Variants in EPPK1 observed in about 807,000 individuals in gnomAD.
The protein encoded by EPPK1 is epiplakin 1, also known as epiplakin.
For missense variants in EPPK1, 3,823 were observed against 3,673.3 expected (o/e 1.04, Z -1.05); for synonymous variants, 1,862 against 1,721.2 (o/e 1.08, Z -2.03).
rs782446058 is a variant in EPPK1 at position 143,867,254 on chromosome 8, C to T, written c.6000G>A (p.Lys2000=). ...CCTCCAGCAGCCTCAGTGCCTCCGC[C>T]TTCTCGATGAGCTGCTTCTGCATGG... ...FQAMQKQLIE[K]AEALRLLEVQ... is the part of the protein sequence containing the mutation. The change falls in exon 2 of 2, where the codon AAG becomes AAA. Residue 2000 remains lysine (K), a synonymous_variant. Coordinates refer to ENST00000615648, the MANE Select transcript of EPPK1 (RefSeq NM_031308.4). 2.5e-6 allele frequency: 4 copies of T among 1,612,622 alleles called. No individual in the cohort carries two copies. The highest frequency in any genetic ancestry group is 1.7e-5 in the Admixed American group (1 of 60,016).
chr8:143,870,011 G>A lies in EPPK1; in HGVS notation c.3243C>T (p.Ser1081=), dbSNP rs782522109. Residue 1081 remains serine (S), a synonymous_variant, in exon 2 of 2, where the codon TCC becomes TCT. Transcript: ENST00000615648. This position sits in a 1 kb window ranked among gnomAD's most constrained non-coding sequence, Gnocchi z 5.2. ...QEMETALSSS[S]ETFPTPDGQG... Reference sequence around the variant, plus strand: ...GGCCGTCCGGTGTGGGGAAGGTTTCGGAGGAGCTGGACAAGGCTGTCTCCA... The same window carrying A: ...GGCCGTCCGGTGTGGGGAAGGTTTCAGAGGAGCTGGACAAGGCTGTCTCCA... The A allele has an allele frequency of 1.7e-5, 27 of 1,609,936 alleles. No individual in the cohort carries two copies. Among genetic ancestry groups the A allele is most frequent in the Admixed American group, 1.7e-4 (10 of 59,652 alleles).
At position 143,869,711 on chromosome 8, in the gene EPPK1, C is replaced by T. The variant is rs1377246422; in HGVS notation, c.3543G>A (p.Arg1181=). Residue 1181 remains arginine (R), a synonymous_variant, in exon 2 of 2, where the codon AGG becomes AGA. Coordinates refer to ENST00000615648, the MANE Select transcript of EPPK1 (RefSeq NM_031308.4). The part of the protein sequence containing the change: ...TVPQLLASVQ[R]WVQETKLLAQ... ...CCAGGAGCTTGGTCTCCTGTACCCA[C>T]CTCTGCACAGAGGCTAGCAGCTGTG... The T allele has an allele frequency of 1.3e-6, 2 of 1,597,402 alleles. No homozygotes were observed. Among genetic ancestry groups the T allele is most frequent in the East Asian group, 2.3e-5 (1 of 43,896 alleles).
At chr8:143,876,727 A>G (rs1819485952) in intron 1 of EPPK1, among the ~76,000 whole-genome samples, 1 of 152,164 alleles carries the variant, frequency 6.6e-6, no homozygotes, top group Non-Finnish European at 1.5e-5. Flanking sequence ...GCAGCCACTC[A>G]CTATGGCATC....
Position 143,866,561 on chromosome 8 carries a change from C to T in EPPK1, c.6693G>A (p.Val2231=). Residue 2231 remains valine, a synonymous_variant, in exon 2 of 2, where the codon GTG becomes GTA. Transcript: ENST00000615648. ...GGCGGCCGGGCTGGTCCTTGGCGGG[C>T]ACCAGGACGCCCGCGATGCAGCTGG... ...EGTSCIAGVL[V]PAKDQPGRQE... 2 of 1,607,146 alleles carry T rather than the reference C, an allele frequency of 1.2e-6. No homozygotes were observed. The highest frequency in any genetic ancestry group is 2.2e-5 in the South Asian group (2 of 90,506).
In EPPK1 at chr8:143,857,924, C is replaced by G. The variant is rs1166137645; in HGVS notation, c.*63G>C. On this transcript the variant is annotated 3_prime_UTR_variant, in exon 2 of 2. Coordinates refer to ENST00000615648, the MANE Select transcript of EPPK1 (RefSeq NM_031308.4). ...AAAAAAAAAAAAAAAAAAAAACAAC[C>G]CAGACACACAAGTATGCCTCCACTT... The G allele has an allele frequency of 2.6e-6, 2 of 766,598 alleles. No individual in the cohort carries two copies. Among genetic ancestry groups the G allele is most frequent in the South Asian group, 2.9e-5 (1 of 34,662 alleles). 47.5% of individuals were successfully genotyped at this position (766,598 alleles called of 1,614,324 possible).
rs560901238 is a variant in EPPK1 at position 143,866,778 on chromosome 8, A to C, written c.6476T>G (p.Leu2159Ter). Residue 2159 changes from leucine to a stop codon, truncating the protein, a stop_gained, in exon 2 of 2, where the codon TTA (leucine) becomes TGA (stop). Transcript: ENST00000615648. LOFTEE classifies it low-confidence loss of function (END_TRUNC). ...GGTTTCCTGCTTCTCGATCAACTCTAAGATGAGCTGCGCTACCGTCTGCAG... is the reference window on the plus strand; with the variant it reads ...GGTTTCCTGCTTCTCGATCAACTCTCAGATGAGCTGCGCTACCGTCTGCAG... Reference protein sequence around the residue: ...RALQTVAQLILELIEKQETSN... With the variant: ...RALQTVAQLI The C allele has an allele frequency of 7.4e-6, 12 of 1,613,508 alleles. No individual in the cohort carries two copies. The highest frequency in any genetic ancestry group is 1.7e-5 in the Admixed American group (1 of 60,036).
Position 143,868,464 on chromosome 8 carries a change from C to T in EPPK1, c.4790G>A (p.Arg1597Gln), listed in dbSNP as rs532952345. Residue 1597 changes from arginine to glutamine, a missense_variant, in exon 2 of 2, where the codon CGG becomes CAG. Transcript: ENST00000615648. The stretch of plus-strand genomic sequence containing the variant: ...CAGCAGCACCAGGGCTGTGCCAGGC[C>T]GCAGGATGTGCCTCCTCAGGGCCTC... ...IPEALRRHIL[R>Q]PGTALVLLEA... is the part of the protein sequence containing the mutation. 35 of 1,612,368 alleles carry T rather than the reference C, an allele frequency of 2.2e-5. No individual in the cohort carries two copies. Among genetic ancestry groups the T allele is most frequent in the South Asian group, 7.7e-5 (7 of 91,054 alleles).
chr8:143,864,832 C>G lies in EPPK1; in HGVS notation c.8422G>C (p.Val2808Leu). Residue 2808 changes from valine to leucine, a missense_variant, in exon 2 of 2, where the codon GTC becomes CTC. Transcript: ENST00000615648. ...CTCAGGTTGCGCACGGGGTCGATGA[C>G]GAAGCCGGTGGCCGCCTGCGCCTCC... The part of the protein sequence containing the change: ...LLEAQAATGF[V>L]IDPVRNLRLS... 2.9e-6 allele frequency: 1 copy of G among 349,520 alleles called. No individual in the cohort carries two copies. Among genetic ancestry groups the G allele is most frequent in the East Asian group, 3.5e-5 (1 of 28,554 alleles). 21.7% of individuals were successfully genotyped at this position (349,520 alleles called of 1,614,324 possible). A position where few individuals can be genotyped will look rare whatever the true frequency, so the allele number is the denominator to read the frequency against.
Position 143,871,779 on chromosome 8 carries a change from C to G in EPPK1, c.1475G>C (p.Ser492Thr), listed in dbSNP as rs1341436173. 5.6e-6 allele frequency: 9 copies of G among 1,611,542 alleles called. No homozygotes were observed. The highest frequency in any genetic ancestry group is 7.6e-6 in the Non-Finnish European group (9 of 1,179,362). ...FIKYSTRQAL[S>T]TATATVSVGK... ...CACAGAGACGGTGGCTGTGGCCGTG[C>G]TCAGGGCCTGCCGAGTGCTGTACTT... Residue 492 changes from serine (S) to threonine (T), a missense_variant, in exon 2 of 2, where the codon AGC becomes ACC. Ser to Thr is a moderately conservative substitution (Grantham distance 58, BLOSUM62 1). Coordinates refer to ENST00000615648, the MANE Select transcript of EPPK1 (RefSeq NM_031308.4).
intron 1 of EPPK1, among the ~76,000 whole-genome samples, chr8:143,874,451 T>C (rs1028379671): frequency 1.3e-5 from 2 of 152,178 alleles, no homozygotes; most frequent in Admixed American, 6.5e-5. Context: ...CTAGTGTCCT[T>C]ATAAGAAGAC....
At position 143,865,367 on chromosome 8, in the gene EPPK1, G is replaced by GGCA. The variant is rs1819081976; in HGVS notation, c.7886_7887insTGC (p.Ala2633dup). On this transcript the variant is annotated inframe_insertion, in exon 2 of 2. Transcript: ENST00000615648. ...GCTCCTGGCGGCGGGCGGCGGCGGC[G>GGCA]GCGGCGGCGGCGGCGGCCTCCTGGG... 2.8e-6 allele frequency: 1 copy of GGCA among 353,110 alleles called. No individual in the cohort carries two copies. The highest frequency in any genetic ancestry group is 4.0e-5 in the South Asian group (1 of 24,862). 21.9% of individuals were successfully genotyped at this position (353,110 alleles called of 1,614,324 possible).
At position 143,877,435 on chromosome 8, in the gene EPPK1, G is replaced by A. The variant is rs891791308; in HGVS notation, c.-46+1003C>T. ...AGGGTGATGGGGTGGGGAGGAGGCC[G>A]AGCAGATTTCCCCGGAGCCTGAGGC... On this transcript the variant is annotated intron_variant, in intron 1 of 1. Transcript: ENST00000615648. Among the ~76,000 whole-genome samples the A allele has an allele frequency of 1.1e-4, 17 of 152,266 alleles. No individual in the cohort carries two copies. The East Asian group carries it at 1.9e-3, about 17-fold the overall frequency.
Position 143,867,003 on chromosome 8 carries a change from G to T in EPPK1, c.6251C>A (p.Pro2084Gln), listed in dbSNP as rs781980733. The T allele has an allele frequency of 3.0e-5, 49 of 1,612,714 alleles. No individual in the cohort carries two copies. The highest frequency in any genetic ancestry group is 1.1e-5 in the South Asian group (1 of 91,082). The part of the protein sequence containing the change: ...PQEDTGWLLF[P>Q]VNKAARDSEH... Reference sequence around the variant, plus strand: ...GGAGTCCCGTGCAGCCTTGTTCACTGGGAACAGCAGCCAGCCCGTGTCCTC... The same window carrying T: ...GGAGTCCCGTGCAGCCTTGTTCACTTGGAACAGCAGCCAGCCCGTGTCCTC... The change falls in exon 2 of 2, where the codon CCA (proline) becomes CAA (glutamine). Residue 2084 changes from proline to glutamine, a missense_variant. Transcript: ENST00000615648.
In EPPK1 at chr8:143,866,933, T is replaced by G; in HGVS notation, c.6321A>C (p.Gln2107His). 1.2e-6 allele frequency: 2 copies of G among 1,612,944 alleles called. No individual in the cohort carries two copies. The highest frequency in any genetic ancestry group is 2.2e-5 in the East Asian group (1 of 44,874). ...DETRRALEAE[Q>H]VEITVGRFRG... The stretch of plus-strand genomic sequence containing the variant: ...TGAACCTTCCCACTGTGATTTCCAC[T>G]TGCTCTGCCTCCAGGGCCCTTCTCG... The change falls in exon 2 of 2, where the codon CAA becomes CAC. Residue 2107 changes from glutamine (Q) to histidine (H), a missense_variant. Transcript: ENST00000615648.
chr8:143,877,162 C>G (rs1403505701), intron 1 of EPPK1, among the ~76,000 whole-genome samples: 1 of 152,228 alleles, frequency 6.6e-6, no homozygotes, highest in Non-Finnish European at 1.5e-5. Flanking sequence ...GCTGGCTGCA[C>G]CACTCCCTAT....
Position 143,867,918 on chromosome 8 carries a change from G to A in EPPK1, c.5336C>T (p.Ser1779Phe), listed in dbSNP as rs368988023. Residue 1779 changes from serine to phenylalanine, a missense_variant, in exon 2 of 2, where the codon TCC (serine) becomes TTC (phenylalanine). Ser to Phe is a radical substitution (Grantham distance 155). Transcript: ENST00000615648. ...CCCCACGCGCATTTTTGCAGTTCTG[G>A]ATTGCAACACGTGTCTCGTGGCCTC... ...INEATRHVLQSRTAKMRVGRF... is the reference protein window; with the variant it reads ...INEATRHVLQFRTAKMRVGRF... 6 of 1,613,468 alleles carry A rather than the reference G, an allele frequency of 3.7e-6. No homozygotes were observed. The African/African-American group carries it at 8.0e-5, about 22-fold the overall frequency.
Position 143,866,687 on chromosome 8 carries a change from T to C in EPPK1, c.6567A>G (p.Ser2189=). ...RQITASELLS[S]AIITEEMLQD... is the part of the protein sequence containing the mutation. ...GGAGCATTTCCTCCGTGATTATGGC[T>C]GAGCTGAGGAGTTCAGAAGCTGTGA... is the stretch of plus-strand genomic sequence containing the variant. The change falls in exon 2 of 2, where the codon TCA becomes TCG. Residue 2189 remains serine (S), a synonymous_variant. Transcript: ENST00000615648. 1 of 1,613,322 alleles carries C rather than the reference T, an allele frequency of 6.2e-7. No individual in the cohort carries two copies. Among genetic ancestry groups the C allele is most frequent in the East Asian group, 2.2e-5 (1 of 44,890 alleles).
At chr8:143,874,274 G>A (rs2130655675) in intron 1 of EPPK1, among the ~76,000 whole-genome samples, 1 of 152,338 alleles carries the variant, frequency 6.6e-6, no homozygotes, top group East Asian at 1.9e-4. Flanking sequence ...CTCCACCCAG[G>A]CCTGTCCCCT....
chr8:143,872,269 C>G lies in EPPK1; in HGVS notation c.985G>C (p.Val329Leu), dbSNP rs1554661498. Reference sequence around the variant, plus strand: ...AGCCGCTGGCCTGTGATGGGGTCCACCAGGGTGTGGGTGGCAGCCTGGGCC... The same window carrying G: ...AGCCGCTGGCCTGTGATGGGGTCCAGCAGGGTGTGGGTGGCAGCCTGGGCC... ...LEAQAATHTLVDPITGQRLWV... is the reference protein window; with the variant it reads ...LEAQAATHTLLDPITGQRLWV... Residue 329 changes from valine to leucine, a missense_variant, in exon 2 of 2, where the codon GTG (valine) becomes CTG (leucine). Coordinates refer to ENST00000615648, the MANE Select transcript of EPPK1 (RefSeq NM_031308.4). 6.2e-7 allele frequency: 1 copy of G among 1,608,038 alleles called. No homozygotes were observed. Among genetic ancestry groups the G allele is most frequent in the African/African-American group, 1.3e-5 (1 of 74,880 alleles).
Sources: allele counts gnomAD v4.1 joint callset (sites outside exome capture counted in the v4.1 genomes callset), GRCh38; gene constraint gnomAD v4.1.1; non-coding constraint Gnocchi (gnomAD v3.1); transcripts MANE v1.5; gene names NCBI Gene and HGNC (gene_info 2026-07-23, HGNC 2026-07-21).